The following LMTK2 variants were observed in gnomAD, a reference collection of about 807,000 sequenced individuals.
The protein encoded by LMTK2 is serine/threonine-protein kinase LMTK2.
LMTK2 carries 37 observed loss-of-function variants against 127.5 expected under a neutral mutation model. The ratio of observed to expected loss-of-function variants is 0.29; its 90% CI spans 0.22 to 0.38. LMTK2 has a LOEUF of 0.38. Ranked by LOEUF, LMTK2 falls within the 10% of genes least tolerant of loss-of-function variation. The pLI is 1.00. For synonymous variants in LMTK2, 819 were observed against 810.1 expected (o/e 1.01, Z -0.19); for missense variants, 1,694 against 1,920.3 (o/e 0.88, Z 2.20).
chr7:98,127,110 T>A (rs1234120116), intron 1 of LMTK2, among the ~76,000 whole-genome samples: 2 of 152,206 alleles, frequency 1.3e-5, no homozygotes, highest in Non-Finnish European at 2.9e-5. Context: ...AAGAAAACAC[T>A]TTGTGACTTA....
chr7:98,148,947 C>T (rs1451959528), intron 3 of LMTK2, among the ~76,000 whole-genome samples: 1 of 152,182 alleles, frequency 6.6e-6, no homozygotes. Flanking sequence ...TTCCAAAGCC[C>T]CCTTTCTCCT....
chr7:98,157,267 AGG>A (rs2116397471), intron 5 of LMTK2, among the ~76,000 whole-genome samples: 1 of 148,616 alleles, frequency 6.7e-6, no homozygotes, highest in African/African-American at 2.6e-5. Flanking sequence ...GTAGGTAGGT[AGG>A]TAGGTAGGTA....
chr7:98,151,941 A>G (rs547587280), intron 4 of LMTK2, among the ~76,000 whole-genome samples: 1 of 152,292 alleles, frequency 6.6e-6, no homozygotes, highest in Non-Finnish European at 1.5e-5. Context: ...GGATTTGGGC[A>G]GGACAAAGGA....
chr7:98,205,536 G>A lies in LMTK2; in HGVS notation c.*44G>A. On this transcript the variant is annotated 3_prime_UTR_variant, in exon 14 of 14. Transcript: ENST00000297293. ...GCTCGGGTCCGAGGCTGCTCCCCTG[G>A]AGCGGCGCCCCTGCGCCCTCAGCCC... is the stretch of plus-strand genomic sequence containing the variant. 1 of 1,606,474 alleles carries A rather than the reference G, an allele frequency of 6.2e-7. No individual in the cohort carries two copies. The highest frequency in any genetic ancestry group is 1.7e-5 in the Admixed American group (1 of 59,870).
At chr7:98,130,048 A>G (rs1354784797) in intron 1 of LMTK2, among the ~76,000 whole-genome samples, 1 of 152,000 alleles carries the variant, frequency 6.6e-6, no homozygotes, top group Non-Finnish European at 1.5e-5. Flanking sequence ...ATGGGCAGGG[A>G]TGAATGAATG....
chr7:98,190,017 A>AAAT (rs1177795914), intron 9 of LMTK2, among the ~76,000 whole-genome samples: 2 of 152,154 alleles, frequency 1.3e-5, no homozygotes, highest in Non-Finnish European at 2.9e-5. Flanking sequence ...CAAAAAAAAA[A>AAAT]AATCAGAATT....
In LMTK2 at chr7:98,141,470, C is replaced by T. The variant is rs1260956293; in HGVS notation, c.305C>T (p.Pro102Leu). 5 of 1,612,100 alleles carry T rather than the reference C, an allele frequency of 3.1e-6. No individual in the cohort carries two copies. The Middle Eastern group carries it at 4.9e-4, about 159-fold the overall frequency. Residue 102 changes from proline to leucine, a missense_variant, in exon 3 of 14, where the codon CCA (proline) becomes CTA (leucine). By Grantham distance (98) the Pro-to-Leu change is moderately conservative. This residue lies in a region of LMTK2 where 203 missense variants were observed against 226.2 expected (regional missense o/e 0.90). Transcript: ENST00000297293. ...PAEDTPSVQS[P>L]AEVFTLSVPN... is the part of the protein sequence containing the mutation. The stretch of plus-strand genomic sequence containing the variant: ...GAAGACACTCCCTCTGTTCAGTCCC[C>T]AGCAGAGGTCTTCACACTTTCAGTA...
At chr7:98,157,640 TAAAAAAA>T (rs34715220) in intron 5 of LMTK2, among the ~76,000 whole-genome samples, 1 of 114,390 alleles carries the variant, frequency 8.7e-6, no homozygotes, top group Non-Finnish European at 1.8e-5. Flanking sequence ...GCTCCCACAT[TAAAAAAA>T]AAAAAAAAAA....
chr7:98,203,717 T>C lies in LMTK2; in HGVS notation c.4240+11T>C. The C allele has an allele frequency of 6.2e-7, 1 of 1,612,902 alleles. No individual in the cohort carries two copies. The highest frequency in any genetic ancestry group is 8.5e-7 in the Non-Finnish European group (1 of 1,179,742). On this transcript the variant is annotated intron_variant, in intron 12 of 13. Coordinates refer to ENST00000297293, the MANE Select transcript of LMTK2 (RefSeq NM_014916.4). The stretch of plus-strand genomic sequence containing the variant: ...CCACCGACGAAGAAGGTATTTCACG[T>C]CATTGTCTAGTTTTAAAGGAAACTG...
intron 6 of LMTK2, among the ~76,000 whole-genome samples, chr7:98,168,020 T>C (rs1797128675): frequency 6.6e-6 from 1 of 152,124 alleles, no homozygotes; most frequent in African/African-American, 2.4e-5. Flanking sequence ...AGTGGGCAGG[T>C]CACTCCTTGA....
chr7:98,174,763 G>C (rs141690708), intron 7 of LMTK2, among the ~76,000 whole-genome samples: 2 of 152,352 alleles, frequency 1.3e-5, no homozygotes, highest in Non-Finnish European at 2.9e-5. Flanking sequence ...ACTGGGGTTA[G>C]TGTGTAGCGA....
chr7:98,167,879 G>A (rs1274491107), intron 6 of LMTK2, among the ~76,000 whole-genome samples: 2 of 152,168 alleles, frequency 1.3e-5, no homozygotes, highest in Non-Finnish European at 2.9e-5. Flanking sequence ...GGAGCGGCCA[G>A]TGGGATAAGA....
At chr7:98,155,975 A>G (rs933791442) in intron 5 of LMTK2, among the ~76,000 whole-genome samples, 1 of 152,214 alleles carries the variant, frequency 6.6e-6, no homozygotes, top group Non-Finnish European at 1.5e-5. Context: ...CGTAGCTGAC[A>G]TAGGACTCAT....
intron 7 of LMTK2, among the ~76,000 whole-genome samples, chr7:98,172,908 C>T (rs778543592): frequency 2.0e-5 from 3 of 152,150 alleles, no homozygotes; most frequent in Non-Finnish European, 4.4e-5. Context: ...CAGGCACTTG[C>T]CACCAGGCCT....
At chr7:98,154,148 C>T (rs943351128) in intron 4 of LMTK2, among the ~76,000 whole-genome samples, 1 of 152,150 alleles carries the variant, frequency 6.6e-6, no homozygotes, top group Non-Finnish European at 1.5e-5. Flanking sequence ...TTATATTTAG[C>T]ATTTCCCTTG....
Position 98,107,133 on chromosome 7 carries a change from G to A in LMTK2, c.-45G>A. 2 of 1,364,512 alleles carry A rather than the reference G, an allele frequency of 1.5e-6. No homozygotes were observed. Among genetic ancestry groups the A allele is most frequent in the South Asian group, 1.5e-5 (1 of 65,252 alleles). 84.5% of individuals were successfully genotyped at this position (1,364,512 alleles called of 1,614,324 possible). On this transcript the variant is annotated 5_prime_UTR_variant, in exon 1 of 14. Coordinates refer to ENST00000297293, the MANE Select transcript of LMTK2 (RefSeq NM_014916.4). ...CTGACGGGCGAACGGACGGACGGAC[G>A]GAAGGCGACTCGAGGGCCGGCCCCG...
chr7:98,171,526 G>A lies in LMTK2; in HGVS notation c.658-15G>A, dbSNP rs1441300284. 1 of 1,613,916 alleles carries A rather than the reference G, an allele frequency of 6.2e-7. No individual in the cohort carries two copies. The highest frequency in any genetic ancestry group is 1.7e-5 in the Admixed American group (1 of 60,014). On this transcript the variant is annotated splice_polypyrimidine_tract_variant and intron_variant, in intron 6 of 13. Coordinates refer to ENST00000297293, the MANE Select transcript of LMTK2 (RefSeq NM_014916.4). The surrounding 1 kb of genome is among the most constrained non-coding windows in gnomAD (Gnocchi z 5.1). Reference sequence around the variant, plus strand: ...TGTGGCTCGTTTGGAAACTCACACGGGCTGACTTTTGCAGGGTGACCTGAA... The same window carrying A: ...TGTGGCTCGTTTGGAAACTCACACGAGCTGACTTTTGCAGGGTGACCTGAA...
rs772532882 is a variant in LMTK2 at position 98,193,585 on chromosome 7, C to T, written c.3120C>T (p.Pro1040=). 47 of 1,613,978 alleles carry T rather than the reference C, an allele frequency of 2.9e-5. No homozygotes were observed. The highest frequency in any genetic ancestry group is 1.6e-4 in the Middle Eastern group (1 of 6,084). Residue 1040 remains proline, a synonymous_variant, in exon 11 of 14, where the codon CCC becomes CCT. Transcript: ENST00000297293. This position sits in a 1 kb window ranked among gnomAD's most constrained non-coding sequence, Gnocchi z 4.1. ...ACGAAACAGAGAACTTGGAGTCTCC[C>T]GAGTGGACCTTGCATCCCGCTCCCG... ...SGYETENLES[P]EWTLHPAPEG... is the part of the protein sequence containing the mutation.
intron 1 of LMTK2, among the ~76,000 whole-genome samples, chr7:98,116,196 C>G (rs1367117278): frequency 6.6e-6 from 1 of 152,216 alleles, no homozygotes; most frequent in Non-Finnish European, 1.5e-5. Flanking sequence ...GTCCGGCCTA[C>G]ATCATTGTTT....
Sources: allele counts gnomAD v4.1 joint callset (sites outside exome capture counted in the v4.1 genomes callset), GRCh38; gene constraint gnomAD v4.1.1; regional missense constraint gnomAD v4.1.1; non-coding constraint Gnocchi (gnomAD v3.1); transcripts MANE v1.5; gene names NCBI Gene and HGNC (gene_info 2026-07-23, HGNC 2026-07-21).